The following FBXO15 variants were observed in gnomAD, a reference collection of about 807,000 sequenced individuals.
FBXO15 encodes the protein F-box only protein 15.
In FBXO15, 30 loss-of-function variants were observed where a neutral mutation model predicts 49.5. That is an observed-to-expected ratio of 0.61 (90% CI 0.45 to 0.82). The LOEUF (loss-of-function observed/expected upper bound fraction) is 0.82, where lower values mean the gene tolerates loss of function less well. FBXO15 is among the 40% of genes least tolerant of loss of function. The pLI, the probability that FBXO15 is intolerant of heterozygous loss-of-function variation, is 0.00. For synonymous variants in FBXO15, 250 were observed against 232.7 expected, an observed-to-expected ratio of 1.07 and a Z score of -0.68; for missense variants, 591 against 631.5, an observed-to-expected ratio of 0.94 and a Z score of 0.69.
In FBXO15 at chr18:74,082,047, A is replaced by G. The variant is rs770937429; in HGVS notation, c.1143T>C (p.Asn381=). Residue 381 remains asparagine (N), a synonymous_variant, in exon 9 of 10, where the codon AAT becomes AAC. Coordinates refer to ENST00000419743, the MANE Select transcript of FBXO15 (RefSeq NM_001142958.2). The stretch of plus-strand genomic sequence containing the variant: ...TGAGCTTCACATGTCCATTTTCAAT[A>G]TTTCCTGAAAAGATATAAGATTGTT... ...TFRNLFTKRG[N]IENGHVKLIV... 1.9e-6 allele frequency: 3 copies of G among 1,610,968 alleles called. No individual in the cohort carries two copies. Among genetic ancestry groups the G allele is most frequent in the South Asian group, 1.1e-5 (1 of 90,046 alleles).
Position 74,074,135 on chromosome 18 carries a change from T to C in FBXO15, c.1264-405A>G, listed in dbSNP as rs1912157414. Among the ~76,000 whole-genome samples the C allele has an allele frequency of 6.6e-6, 1 of 152,166 alleles. No homozygotes were observed. Among genetic ancestry groups the C allele is most frequent in the African/African-American group, 2.4e-5 (1 of 41,444 alleles). On this transcript the variant is annotated intron_variant, in intron 9 of 9. Transcript: ENST00000419743. This position sits in a 1 kb window ranked among gnomAD's most constrained non-coding sequence, Gnocchi z 4.7. ...CTGAGAAGCAGTGTGCCTGTGTTCC[T>C]GGGTCTTCACTGCCACCACCAGGCC...
chr18:74,099,076 G>T (rs2145141589), intron 8 of FBXO15: 1 of 152,258 alleles, frequency 6.6e-6, no homozygotes. Flanking sequence ...ACTGAGCCAA[G>T]ATTACGCCAC....
chr18:74,113,202 G>A (rs1914103331), intron 8 of FBXO15, among the ~76,000 whole-genome samples: 1 of 152,142 alleles, frequency 6.6e-6, no homozygotes, highest in Non-Finnish European at 1.5e-5. Context: ...GTCTGAAAAG[G>A]TTAATACTGT....
At position 74,137,158 on chromosome 18, in the gene FBXO15, C is replaced by T. The variant is rs111371289; in HGVS notation, c.228-1292G>A. ...ACCAGAGACGTTCTGAGAGTTTAAACGAAAAGCTTTGCTTAAGCATTAATT... is the reference window on the plus strand; with the variant it reads ...ACCAGAGACGTTCTGAGAGTTTAAATGAAAAGCTTTGCTTAAGCATTAATT... On this transcript the variant is annotated intron_variant, in intron 2 of 9. Transcript: ENST00000419743. Among the ~76,000 whole-genome samples the T allele has an allele frequency of 4.0e-4, 61 of 152,212 alleles. 1 individual carries two copies. The highest frequency in any genetic ancestry group is 1.4e-3 in the African/African-American group (57 of 41,544).
At chr18:74,134,873 G>A (rs190840361) in intron 3 of FBXO15, among the ~76,000 whole-genome samples, 53 of 152,096 alleles carry the variant, frequency 3.5e-4, no homozygotes, top group Non-Finnish European at 1.3e-4. Context: ...GCCACTCTCC[G>A]TCTCCTTACC....
intron 8 of FBXO15, among the ~76,000 whole-genome samples, chr18:74,105,434 A>T (rs1447238799): frequency 6.6e-6 from 1 of 152,020 alleles, no homozygotes; most frequent in Non-Finnish European, 1.5e-5. Context: ...ATTTAAAAAA[A>T]TTATTTCCCA....
At chr18:74,125,400 T>C (rs549397531) in intron 6 of FBXO15, among the ~76,000 whole-genome samples, 1 of 152,372 alleles carries the variant, frequency 6.6e-6, no homozygotes, top group East Asian at 1.9e-4. Flanking sequence ...CATTGTAAAC[T>C]AATGCATAAC....
chr18:74,101,109 A>G (rs1416009077), intron 8 of FBXO15, among the ~76,000 whole-genome samples: 1 of 152,186 alleles, frequency 6.6e-6, no homozygotes, highest in Non-Finnish European at 1.5e-5. Flanking sequence ...ACCAAAAAAG[A>G]AAACTAAAGA....
At chr18:74,109,166 G>A (rs1913898524) in intron 8 of FBXO15, among the ~76,000 whole-genome samples, 1 of 152,156 alleles carries the variant, frequency 6.6e-6, no homozygotes, top group South Asian at 2.1e-4. Flanking sequence ...CAAAAAGTGG[G>A]TGAAGGATAT....
In FBXO15 at chr18:74,125,967, A is replaced by G. The variant is rs1358576961; in HGVS notation, c.912+8T>C. 1.9e-6 allele frequency: 3 copies of G among 1,613,788 alleles called. No individual in the cohort carries two copies. Among genetic ancestry groups the G allele is most frequent in the Non-Finnish European group, 2.5e-6 (3 of 1,179,924 alleles). ...ATGACACAGTACATACAGGGACTCAAGTCTTACCTTCCACACTCCCACCAG... is the reference window on the plus strand; with the variant it reads ...ATGACACAGTACATACAGGGACTCAGGTCTTACCTTCCACACTCCCACCAG... On this transcript the variant is annotated splice_region_variant and intron_variant, in intron 6 of 9. Coordinates refer to ENST00000419743, the MANE Select transcript of FBXO15 (RefSeq NM_001142958.2).
At chr18:74,101,311 T>C (rs184598265) in intron 8 of FBXO15, among the ~76,000 whole-genome samples, 71 of 152,264 alleles carry the variant, frequency 4.7e-4, no homozygotes, top group African/African-American at 1.5e-3. Flanking sequence ...AAAAATCACA[T>C]GATCATCTCA....
chr18:74,110,695 T>C (rs1168887470), intron 8 of FBXO15, among the ~76,000 whole-genome samples: 1 of 149,176 alleles, frequency 6.7e-6, no homozygotes, highest in East Asian at 2.0e-4. Context: ...TAAAGATACA[T>C]ACAAATTAAG....
intron 3 of FBXO15, among the ~76,000 whole-genome samples, chr18:74,131,224 T>C (rs956257068): frequency 6.6e-6 from 1 of 152,210 alleles, no homozygotes; most frequent in Non-Finnish European, 1.5e-5. Context: ...TGTCAACACT[T>C]ACTATGTGTC....
At chr18:74,080,938 C>T (rs1162090853) in intron 9 of FBXO15, among the ~76,000 whole-genome samples, 1 of 152,054 alleles carries the variant, frequency 6.6e-6, no homozygotes, top group Non-Finnish European at 1.5e-5. Flanking sequence ...TCTATTTTGA[C>T]GTGAATATTT....
chr18:74,116,167 T>C (rs1456071458), intron 8 of FBXO15, among the ~76,000 whole-genome samples: 1 of 152,112 alleles, frequency 6.6e-6, no homozygotes, highest in Non-Finnish European at 1.5e-5. Flanking sequence ...AAGAAGCAAA[T>C]GAGAGCAGGT....
At chr18:74,091,044 C>T (rs1913002173) in intron 8 of FBXO15, among the ~76,000 whole-genome samples, 1 of 152,154 alleles carries the variant, frequency 6.6e-6, no homozygotes, top group African/African-American at 2.4e-5. Context: ...TCATAGGTCT[C>T]TAAGAACTTG....
intron 1 of FBXO15, among the ~76,000 whole-genome samples, chr18:74,145,715 A>C (rs1049887899): frequency 6.8e-6 from 1 of 147,336 alleles, no homozygotes; most frequent in African/African-American, 2.5e-5. Flanking sequence ...CTCCTGCCTC[A>C]GCCTCCTGAG....
chr18:74,089,958 C>A (rs1028354733), intron 8 of FBXO15, among the ~76,000 whole-genome samples: 3 of 152,054 alleles, frequency 2.0e-5, no homozygotes, highest in African/African-American at 7.2e-5. Flanking sequence ...AGTCCCTCCA[C>A]CTCAATTTTT....
At chr18:74,137,948 C>A (rs1047304667) in intron 2 of FBXO15, among the ~76,000 whole-genome samples, 2 of 152,094 alleles carry the variant, frequency 1.3e-5, no homozygotes, top group Admixed American at 1.3e-4. Flanking sequence ...CACTTTCTTC[C>A]CCCTATTCCG....
Sources: allele counts gnomAD v4.1 joint callset (sites outside exome capture counted in the v4.1 genomes callset), GRCh38; gene constraint gnomAD v4.1.1; non-coding constraint Gnocchi (gnomAD v3.1); transcripts MANE v1.5; gene names NCBI Gene and HGNC (gene_info 2026-07-23, HGNC 2026-07-21).